The following FAM53B variants were observed in gnomAD, a reference collection of about 807,000 sequenced individuals.
The protein encoded by FAM53B is protein FAM53B.
A neutral mutation model predicts 32.7 loss-of-function variants in FAM53B; 12 were observed. That is an observed-to-expected ratio of 0.37 (90% CI 0.24 to 0.59). The LOEUF (loss-of-function observed/expected upper bound fraction) is 0.59, where lower values mean the gene tolerates loss of function less well. FAM53B is among the 20% of genes least tolerant of loss of function. The pLI is 0.72. For missense variants in FAM53B, 477 were observed against 577.7 expected (o/e 0.83, Z 1.79); for synonymous variants, 234 against 228.7 (o/e 1.02, Z -0.21).
At chr10:124,668,065 T>A (rs1949684719) in intron 4 of FAM53B, among the ~76,000 whole-genome samples, 1 of 152,208 alleles carries the variant, frequency 6.6e-6, no homozygotes, top group African/African-American at 2.4e-5. Flanking sequence ...TGCCTTCCAT[T>A]TCCTGCTGTC....
At chr10:124,631,784 G>A (rs531784974) in intron 4 of FAM53B, among the ~76,000 whole-genome samples, 4 of 152,068 alleles carry the variant, frequency 2.6e-5, no homozygotes, top group East Asian at 3.9e-4. Flanking sequence ...CCATCCTGAC[G>A]GCCCCGCCCT....
chr10:124,719,575 G>C (rs765860700), intron 1 of FAM53B, among the ~76,000 whole-genome samples: 5 of 152,172 alleles, frequency 3.3e-5, no homozygotes, highest in Non-Finnish European at 7.3e-5. Context: ...TTGTTTGTCC[G>C]CAGCACACCC....
intron 4 of FAM53B, among the ~76,000 whole-genome samples, chr10:124,672,675 G>A (rs1217130972): frequency 6.6e-6 from 1 of 152,186 alleles, no homozygotes; most frequent in Non-Finnish European, 1.5e-5. Context: ...AGTTCAGAAT[G>A]CGCAGCCACT....
chr10:124,649,859 T>C (rs1393749066), intron 4 of FAM53B, among the ~76,000 whole-genome samples: 1 of 152,086 alleles, frequency 6.6e-6, no homozygotes, highest in Non-Finnish European at 1.5e-5. Context: ...CAAATATACA[T>C]AAGTCCCAGG....
chr10:124,658,713 C>T (rs1212617538), intron 4 of FAM53B, among the ~76,000 whole-genome samples: 1 of 152,344 alleles, frequency 6.6e-6, no homozygotes, highest in Non-Finnish European at 1.5e-5. Flanking sequence ...CTGCACTTCA[C>T]CCCGGCAACC....
intron 4 of FAM53B, among the ~76,000 whole-genome samples, chr10:124,649,268 C>T (rs1229565795): frequency 1.3e-5 from 2 of 152,206 alleles, no homozygotes; most frequent in African/African-American, 4.8e-5. Context: ...TCCATGTCTT[C>T]CAAGAAAAAA....
intron 1 of FAM53B, among the ~76,000 whole-genome samples, chr10:124,724,878 C>T (rs1268969234): frequency 2.0e-5 from 3 of 152,152 alleles, no homozygotes; most frequent in East Asian, 1.9e-4. Context: ...GCTGGGCACG[C>T]GCTTCCCACG....
At position 124,623,367 on chromosome 10, in the gene FAM53B, C is replaced by A. The variant is rs767213564; in HGVS notation, c.1144G>T (p.Ala382Ser). 2.5e-6 allele frequency: 4 copies of A among 1,612,508 alleles called. No homozygotes were observed. Among genetic ancestry groups the A allele is most frequent in the Non-Finnish European group, 3.4e-6 (4 of 1,179,822 alleles). ...DLSCEESDSC[A>S]LDEDCGRRAE... ...CTCCTGCCACAATCCTCGTCCAGGG[C>A]GCAGCTGTCTGACTCCTCACAGGAC... The change falls in exon 5 of 5, where the codon GCC becomes TCC. Residue 382 changes from alanine to serine, a missense_variant. Physicochemically the swap from Ala to Ser is moderately conservative, Grantham distance 99. This residue lies in a region of FAM53B where 165 missense variants were observed against 157.5 expected (regional missense o/e 1.05). Coordinates refer to ENST00000337318, the MANE Select transcript of FAM53B (RefSeq NM_014661.4).
chr10:124,713,735 C>T (rs1277569106), intron 1 of FAM53B: 2 of 152,204 alleles, frequency 1.3e-5, no homozygotes, highest in Non-Finnish European at 2.9e-5. Flanking sequence ...TTTATTTAGC[C>T]TGTACGTACT....
chr10:124,660,069 C>T (rs1014488298), intron 4 of FAM53B, among the ~76,000 whole-genome samples: 5 of 152,210 alleles, frequency 3.3e-5, no homozygotes, highest in Non-Finnish European at 5.9e-5. Context: ...GGCCTTCCAA[C>T]GTTCTGGGAT....
rs1949325017 is a variant in FAM53B at position 124,623,433 on chromosome 10, G to T, written c.1078C>A (p.Pro360Thr). Residue 360 changes from proline to threonine, a missense_variant, in exon 5 of 5, where the codon CCC becomes ACC. By Grantham distance (38) the Pro-to-Thr change is conservative. Around this residue, in one of 2 missense-constraint regions of FAM53B, gnomAD observed 165 missense variants for 157.5 expected, o/e 1.05. Coordinates refer to ENST00000337318, the MANE Select transcript of FAM53B (RefSeq NM_014661.4). The stretch of plus-strand genomic sequence containing the variant: ...GCGAGGTGGTCGTCGAAGGAAGGGG[G>T]AAGAGGCTCAGGGACCGGGGTCCCA... ...PAGTPVPEPL[P>T]PSFDDHLACQ... is the part of the protein sequence containing the mutation. 1 of 1,603,060 alleles carries T rather than the reference G, an allele frequency of 6.2e-7. No individual in the cohort carries two copies. The highest frequency in any genetic ancestry group is 8.5e-7 in the Non-Finnish European group (1 of 1,175,750).
intron 4 of FAM53B, among the ~76,000 whole-genome samples, chr10:124,626,893 G>C (rs756134556): frequency 6.6e-6 from 1 of 152,214 alleles, no homozygotes; most frequent in Non-Finnish European, 1.5e-5. Context: ...CCTGCCTGCC[G>C]AGTCAGGGTG....
chr10:124,671,120 C>A, intron 4 of FAM53B: 5 of 449,828 alleles, frequency 1.1e-5, no homozygotes, highest in South Asian at 7.8e-5. Flanking sequence ...CCGTCTGCTT[C>A]CTGTGCTGTC....
chr10:124,709,644 TA>T (rs1388417603), intron 1 of FAM53B, among the ~76,000 whole-genome samples: 1 of 152,152 alleles, frequency 6.6e-6, no homozygotes, highest in Non-Finnish European at 1.5e-5. Flanking sequence ...CCTAGCTGCC[TA>T]CAAGCAGGGC....
In FAM53B at chr10:124,733,807, C is replaced by G. The variant is rs188883861; in HGVS notation, c.-175+10206G>C. ...GCTGGGCCCCTGGGCAGTGTCACCC[C>G]GAAGGTGGGCTTTCTCCCAGCCCTT... On this transcript the variant is annotated intron_variant, in intron 1 of 4. Transcript: ENST00000337318. The surrounding 1 kb of genome is among the most constrained non-coding windows in gnomAD (Gnocchi z 4.3). Among the ~76,000 whole-genome samples the G allele has an allele frequency of 2.0e-5, 3 of 152,344 alleles. No individual in the cohort carries two copies. The highest frequency in any genetic ancestry group is 2.1e-4 in the South Asian group (1 of 4,828).
intron 1 of FAM53B, among the ~76,000 whole-genome samples, chr10:124,715,105 T>C (rs541318517): frequency 6.6e-6 from 1 of 152,372 alleles, no homozygotes; most frequent in Non-Finnish European, 1.5e-5. Context: ...CTTTAAGTAC[T>C]TGATTTGTCA....
chr10:124,698,326 T>G (rs1377929259), intron 2 of FAM53B, among the ~76,000 whole-genome samples: 1 of 152,142 alleles, frequency 6.6e-6, no homozygotes, highest in Admixed American at 6.5e-5. Context: ...CTGGCATGCA[T>G]GCAGGAGGGC....
intron 4 of FAM53B, among the ~76,000 whole-genome samples, chr10:124,647,537 A>G (rs761131965): frequency 3.3e-5 from 5 of 152,226 alleles, no homozygotes; most frequent in Non-Finnish European, 5.9e-5. Context: ...TTCCATTAGC[A>G]GGACTGTCCT....
chr10:124,620,094 A>C lies in FAM53B; in HGVS notation c.*3148T>G, dbSNP rs1949296960. The C allele has an allele frequency of 6.6e-6, 1 of 152,564 alleles. No homozygotes were observed. The highest frequency in any genetic ancestry group is 1.5e-5 in the Non-Finnish European group (1 of 68,050). 9.5% of individuals were successfully genotyped at this position (152,564 alleles called of 1,614,324 possible). On this transcript the variant is annotated 3_prime_UTR_variant, in exon 5 of 5. Coordinates refer to ENST00000337318, the MANE Select transcript of FAM53B (RefSeq NM_014661.4). ...TATTTAAATTTTCTTTCAGTGTACA[A>C]ATTCACAAAACTGGCTACAAAAATT... is the stretch of plus-strand genomic sequence containing the variant.
Sources: gnomAD v4.1 joint callset for allele counts (sites outside exome capture counted in the v4.1 genomes callset) on GRCh38, gnomAD v4.1.1 for gene constraint, gnomAD v4.1.1 regional missense constraint, Gnocchi (gnomAD v3.1) non-coding constraint, MANE v1.5 for transcripts, NCBI Gene and HGNC (gene_info 2026-07-23, HGNC 2026-07-21) for gene names.